ZNF865: variants seen among roughly 807,000 people sequenced by gnomAD.
The protein encoded by ZNF865 is zinc finger protein 865.
For synonymous variants in ZNF865, 763 were observed against 750.8 expected (o/e 1.02, Z -0.27); for missense variants, 1,311 against 1,593.4 (o/e 0.82, Z 3.02).
In ZNF865 at chr19:55,610,405, C is replaced by T. The variant is rs541265234; in HGVS notation, c.-26-3188C>T. On this transcript the variant is annotated intron_variant, in intron 1 of 1. Transcript: ENST00000568956. ...CCTCCCAAGTAGCTGGGATTACAGG[C>T]GCCCACCACCAAGCCTGGCTAATTT... Among the ~76,000 whole-genome samples the T allele has an allele frequency of 8.3e-4, 127 of 152,252 alleles. 1 individual carries two copies. Among genetic ancestry groups the T allele is most frequent in the African/African-American group, 2.1e-3 (86 of 41,546 alleles).
At position 55,616,614 on chromosome 19, in the gene ZNF865, A is replaced by G. The variant is rs1396546591; in HGVS notation, c.2996A>G (p.Lys999Arg). 55 of 1,526,616 alleles carry G rather than the reference A, an allele frequency of 3.6e-5. No homozygotes were observed. Among genetic ancestry groups the G allele is most frequent in the Non-Finnish European group, 4.6e-5 (52 of 1,142,390 alleles). 94.6% of individuals were successfully genotyped at this position (1,526,616 alleles called of 1,614,324 possible). ...TGCCCCGCCTGCCTCAAGGCCTTCA[A>G]GGATCCCGGCTACTTCCGTAAGCAC... ...LRCPACLKAF[K>R]DPGYFRKHLA... The change falls in exon 2 of 2, where the codon AAG becomes AGG. Residue 999 changes from lysine to arginine, a missense_variant. Lys to Arg is a conservative substitution (Grantham distance 26, BLOSUM62 2). Transcript: ENST00000568956.
At chr19:55,612,330 C>T (rs1568525290) in intron 1 of ZNF865, among the ~76,000 whole-genome samples, 3 of 152,212 alleles carry the variant, frequency 2.0e-5, no homozygotes, top group South Asian at 2.1e-4. Flanking sequence ...TATATGCCAG[C>T]CCCCTTGCTG....
At position 55,616,415 on chromosome 19, in the gene ZNF865, C is replaced by A; in HGVS notation, c.2797C>A (p.Arg933Ser). The A allele has an allele frequency of 1.3e-6, 2 of 1,507,350 alleles. No homozygotes were observed. Among genetic ancestry groups the A allele is most frequent in the Non-Finnish European group, 1.8e-6 (2 of 1,133,906 alleles). 93.4% of individuals were successfully genotyped at this position (1,507,350 alleles called of 1,614,324 possible). ...RRLHAVARPQ[R>S]CSACGKTFRY... is the part of the protein sequence containing the mutation. Reference sequence around the variant, plus strand: ...GCTGCACGCTGTGGCCCGGCCCCAGCGCTGCAGCGCCTGTGGCAAGACCTT... The same window carrying A: ...GCTGCACGCTGTGGCCCGGCCCCAGAGCTGCAGCGCCTGTGGCAAGACCTT... Residue 933 changes from arginine (R) to serine (S), a missense_variant, in exon 2 of 2, where the codon CGC becomes AGC. Coordinates refer to ENST00000568956, the MANE Select transcript of ZNF865 (RefSeq NM_001195605.2).
At position 55,616,435 on chromosome 19, in the gene ZNF865, GAC is replaced by G; in HGVS notation, c.2818_2819del (p.Thr940LeufsTer23). On this transcript the variant is annotated frameshift_variant, in exon 2 of 2. Coordinates refer to ENST00000568956, the MANE Select transcript of ZNF865 (RefSeq NM_001195605.2). LOFTEE classifies it low-confidence loss of function (END_TRUNC). ...RPQRCSACGK[T>X]FRYRSNLLEH... Reference sequence around the variant, plus strand: ...CCCAGCGCTGCAGCGCCTGTGGCAAGACCTTCCGCTACCGCTCCAACCTGCTG... The same window carrying G: ...CCCAGCGCTGCAGCGCCTGTGGCAAGCTTCCGCTACCGCTCCAACCTGCTG... 6.6e-7 allele frequency: 1 copy of G among 1,521,996 alleles called. No individual in the cohort carries two copies. The highest frequency in any genetic ancestry group is 8.8e-7 in the Non-Finnish European group (1 of 1,140,082). 94.3% of individuals were successfully genotyped at this position (1,521,996 alleles called of 1,614,324 possible).
chr19:55,606,937 T>C (rs995285227), intron 1 of ZNF865, among the ~76,000 whole-genome samples: 6 of 152,094 alleles, frequency 3.9e-5, no homozygotes, highest in African/African-American at 1.2e-4. Context: ...CATGCAAAGA[T>C]CTGGGTGAGC....
chr19:55,615,307 G>A lies in ZNF865; in HGVS notation c.1689G>A (p.Glu563=), dbSNP rs748526000. The A allele has an allele frequency of 6.6e-6, 10 of 1,526,384 alleles. No individual in the cohort carries two copies. Among genetic ancestry groups the A allele is most frequent in the Non-Finnish European group, 8.7e-6 (10 of 1,143,384 alleles). 94.6% of individuals were successfully genotyped at this position (1,526,384 alleles called of 1,614,324 possible). A position where few individuals can be genotyped will look rare whatever the true frequency, so the allele number is the denominator to read the frequency against. ...GCGGGCGCGGCTTCGGGCGCCGCGAGACCCTGAAGCGCCATGAGCGCATCC... is the reference window on the plus strand; with the variant it reads ...GCGGGCGCGGCTTCGGGCGCCGCGAAACCCTGAAGCGCCATGAGCGCATCC... The part of the protein sequence containing the change: ...GICGRGFGRR[E]TLKRHERIHT... The change falls in exon 2 of 2, where the codon GAG becomes GAA. Residue 563 remains glutamate, a synonymous_variant. Transcript: ENST00000568956.
At position 55,617,092 on chromosome 19, in the gene ZNF865, G is replaced by A. The variant is rs1420007312; in HGVS notation, c.*294G>A. On this transcript the variant is annotated 3_prime_UTR_variant, in exon 2 of 2. Coordinates refer to ENST00000568956, the MANE Select transcript of ZNF865 (RefSeq NM_001195605.2). The stretch of plus-strand genomic sequence containing the variant: ...CACTCTGCCCCCAGTAAGTTTTGGC[G>A]GAGATGGGTCTGAACCGCCCCTCCC... 23 of 316,284 alleles carry A rather than the reference G, an allele frequency of 7.3e-5. No individual in the cohort carries two copies. Among genetic ancestry groups the A allele is most frequent in the Non-Finnish European group, 9.8e-5 (17 of 173,426 alleles). The allele number at this position is 316,284 out of a possible 1,614,324, so 19.6% of individuals were successfully genotyped here. A position where few individuals can be genotyped will look rare whatever the true frequency, so the allele number is the denominator to read the frequency against.
At chr19:55,610,890 T>A (rs947205059) in intron 1 of ZNF865, among the ~76,000 whole-genome samples, 3 of 152,178 alleles carry the variant, frequency 2.0e-5, no homozygotes, top group Non-Finnish European at 2.9e-5. Flanking sequence ...TGTTGAAATC[T>A]GGCGAAGAAC....
rs1981378389 is a variant in ZNF865 at position 55,616,825 on chromosome 19, C to A, written c.*27C>A. 2 of 1,433,526 alleles carry A rather than the reference C, an allele frequency of 1.4e-6. No individual in the cohort carries two copies. The highest frequency in any genetic ancestry group is 2.9e-5 in the African/African-American group (2 of 69,170). 88.8% of individuals were successfully genotyped at this position (1,433,526 alleles called of 1,614,324 possible). A position where few individuals can be genotyped will look rare whatever the true frequency, so the allele number is the denominator to read the frequency against. ...CGAGGGGTTCCCATCCCACTCCCAT[C>A]AAAAGCCCCCTTCTGGACTCCCACC... On this transcript the variant is annotated 3_prime_UTR_variant, in exon 2 of 2. Transcript: ENST00000568956.
chr19:55,615,633 C>T lies in ZNF865; in HGVS notation c.2015C>T (p.Ser672Leu), dbSNP rs949478452. The T allele has an allele frequency of 3.9e-6, 6 of 1,534,484 alleles. No individual in the cohort carries two copies. Among genetic ancestry groups the T allele is most frequent in the South Asian group, 1.2e-5 (1 of 83,892 alleles). ...ACCGATGGGCTGAGCTACGCCTGCT[C>T]GGACTGCGGCGAGCACTTCCCGGAT... ...GPTDGLSYACSDCGEHFPDLF... is the reference protein window; with the variant it reads ...GPTDGLSYACLDCGEHFPDLF... The change falls in exon 2 of 2, where the codon TCG becomes TTG. Residue 672 changes from serine to leucine, a missense_variant. Coordinates refer to ENST00000568956, the MANE Select transcript of ZNF865 (RefSeq NM_001195605.2).
rs1981243825 is a variant in ZNF865, at chr19:55,614,022, C to T, written c.404C>T (p.Pro135Leu). ...PLPPAFGAPP[P>L]PLFDAAFPTP... Reference sequence around the variant, plus strand: ...CCGCCCGCCTTCGGGGCGCCCCCTCCTCCCCTCTTTGACGCTGCTTTCCCC... The same window carrying T: ...CCGCCCGCCTTCGGGGCGCCCCCTCTTCCCCTCTTTGACGCTGCTTTCCCC... The change falls in exon 2 of 2, where the codon CCT becomes CTT. Residue 135 changes from proline to leucine, a missense_variant. By Grantham distance (98) the Pro-to-Leu change is moderately conservative (BLOSUM62 -3). Coordinates refer to ENST00000568956, the MANE Select transcript of ZNF865 (RefSeq NM_001195605.2). This position sits in a 1 kb window ranked among gnomAD's most constrained non-coding sequence, Gnocchi z 8.0. 1 of 1,501,550 alleles carries T rather than the reference C, an allele frequency of 6.7e-7. No homozygotes were observed. Among genetic ancestry groups the T allele is most frequent in the Non-Finnish European group, 8.9e-7 (1 of 1,128,848 alleles). The allele number at this position is 1,501,550 out of a possible 1,614,324, so 93.0% of individuals were successfully genotyped here.
In ZNF865 at chr19:55,611,244, C is replaced by T. The variant is rs1021704217; in HGVS notation, c.-26-2349C>T. Among the ~76,000 whole-genome samples the T allele has an allele frequency of 4.6e-5, 7 of 152,166 alleles. No homozygotes were observed. The highest frequency in any genetic ancestry group is 2.0e-4 in the Admixed American group (3 of 15,286). On this transcript the variant is annotated intron_variant, in intron 1 of 1. Coordinates refer to ENST00000568956, the MANE Select transcript of ZNF865 (RefSeq NM_001195605.2). This position sits in a 1 kb window ranked among gnomAD's most constrained non-coding sequence, Gnocchi z 4.5. ...ATGTGTAACGTGCTTAGAACCGTGG[C>T]GGGCCTCTAGGAGATGTCCAGTCAG...
chr19:55,616,003 C>T lies in ZNF865; in HGVS notation c.2385C>T (p.Ala795=). ...ASSGPERFSC[A]TCGQSFKHFL... is the part of the protein sequence containing the mutation. ...CCGGCCCCGAGCGCTTCAGCTGTGC[C>T]ACGTGCGGCCAGAGTTTCAAGCACT... The change falls in exon 2 of 2, where the codon GCC becomes GCT. Residue 795 remains alanine, a synonymous_variant. Transcript: ENST00000568956. The T allele has an allele frequency of 3.3e-6, 5 of 1,526,786 alleles. No individual in the cohort carries two copies. The highest frequency in any genetic ancestry group is 1.8e-4 in the Middle Eastern group (1 of 5,606). The allele number at this position is 1,526,786 out of a possible 1,614,324, so 94.6% of individuals were successfully genotyped here.
Position 55,611,668 on chromosome 19 carries a change from C to T in ZNF865, c.-26-1925C>T, listed in dbSNP as rs557436832. 2.1e-4 allele frequency among the ~76,000 whole-genome samples: 32 copies of T among 152,212 alleles called. No individual in the cohort carries two copies. Among genetic ancestry groups the T allele is most frequent in the South Asian group, 4.2e-4 (2 of 4,808 alleles). ...TCACCTGTGGGAGGAGAGAGCAGCC[C>T]GATGGATAGAGGATAAAGGGTCCAG... On this transcript the variant is annotated intron_variant, in intron 1 of 1. Transcript: ENST00000568956. This position sits in a 1 kb window ranked among gnomAD's most constrained non-coding sequence, Gnocchi z 4.5.
rs1217399747 is a variant in ZNF865 at position 55,614,557 on chromosome 19, C to T, written c.939C>T (p.Ser313=). 1 of 1,482,086 alleles carries T rather than the reference C, an allele frequency of 6.7e-7. No individual in the cohort carries two copies. The highest frequency in any genetic ancestry group is 8.9e-7 in the Non-Finnish European group (1 of 1,123,278). 91.8% of individuals were successfully genotyped at this position (1,482,086 alleles called of 1,614,324 possible). ...AATAAAPSTV[S]SGPPATPVAP... ...CCGCCGCCGCCCCCTCCACGGTGTC[C>T]TCGGGCCCTCCAGCCACGCCCGTGG... Residue 313 remains serine (S), a synonymous_variant, in exon 2 of 2, where the codon TCC becomes TCT. Transcript: ENST00000568956. The surrounding 1 kb of genome is among the most constrained non-coding windows in gnomAD (Gnocchi z 8.0).
chr19:55,610,103 T>C (rs1981077729), intron 1 of ZNF865, among the ~76,000 whole-genome samples: 1 of 152,222 alleles, frequency 6.6e-6, no homozygotes, highest in South Asian at 2.1e-4. Context: ...TCTGGGAGTT[T>C]GATCAGCTTA....
intron 1 of ZNF865, among the ~76,000 whole-genome samples, chr19:55,606,132 A>G (rs1037093981): frequency 2.0e-5 from 3 of 152,030 alleles, no homozygotes; most frequent in African/African-American, 7.2e-5. Context: ...TATCCTCTAT[A>G]TAATTCTCCC....
chr19:55,613,257 TG>T (rs1212993849), intron 1 of ZNF865, among the ~76,000 whole-genome samples: 5 of 150,182 alleles, frequency 3.3e-5, no homozygotes, highest in African/African-American at 1.2e-4. Context: ...GGCCTGCAGG[TG>T]GTGTGGAGGA....
In ZNF865 at chr19:55,614,241, ACGACAAGGG is replaced by A; in HGVS notation, c.625_633del (p.Asp209_Gly211del). 1 of 1,511,822 alleles carries A rather than the reference ACGACAAGGG, an allele frequency of 6.6e-7. No homozygotes were observed. The highest frequency in any genetic ancestry group is 1.7e-4 in the Middle Eastern group (1 of 5,910). The allele number at this position is 1,511,822 out of a possible 1,614,324, so 93.7% of individuals were successfully genotyped here. On this transcript the variant is annotated inframe_deletion, in exon 2 of 2. Coordinates refer to ENST00000568956, the MANE Select transcript of ZNF865 (RefSeq NM_001195605.2). The surrounding 1 kb of genome is among the most constrained non-coding windows in gnomAD (Gnocchi z 8.0). ...GCGGCGGCCTGCGACCCCACCAAGG[ACGACAAGGG>A]CTACTTCCGGAGACTGAAGTACCTG...
Sources: allele counts gnomAD v4.1 joint callset (sites outside exome capture counted in the v4.1 genomes callset), GRCh38; gene constraint gnomAD v4.1.1; non-coding constraint Gnocchi (gnomAD v3.1); transcripts MANE v1.5; gene names NCBI Gene and HGNC (gene_info 2026-07-23, HGNC 2026-07-21).